Variants in KCNH7 observed in about 807,000 individuals in gnomAD.
The protein encoded by KCNH7 is voltage-gated inwardly rectifying potassium channel KCNH7.
Under a neutral mutation model 120.8 loss-of-function variants are expected in KCNH7, and 49 were observed. The observed-to-expected ratio is 0.41, with a 90% CI of 0.32 to 0.51. The LOEUF is 0.51. Among genes scored for constraint, KCNH7 ranks in the 20% least tolerant of loss-of-function variants. The pLI, the probability that KCNH7 is intolerant of heterozygous loss-of-function variation, is 0.38. For missense variants in KCNH7, 1,097 were observed against 1,446.6 expected (o/e 0.76, Z 3.92); for synonymous variants, 547 against 516.1 (o/e 1.06, Z -0.81).
intron 10 of KCNH7, among the ~76,000 whole-genome samples, chr2:162,397,331 T>G (rs1686943129): frequency 6.6e-6 from 1 of 151,802 alleles, no homozygotes; most frequent in Non-Finnish European, 1.5e-5. Context: ...ATTCATGATC[T>G]TTCTGTCTCG....
intron 9 of KCNH7, among the ~76,000 whole-genome samples, chr2:162,401,965 C>G (rs1687075101): frequency 6.6e-6 from 1 of 151,848 alleles, no homozygotes; most frequent in African/African-American, 2.4e-5. Context: ...GCTCATCCAG[C>G]TCGGTGCTGC....
intron 6 of KCNH7, among the ~76,000 whole-genome samples, chr2:162,470,755 C>T (rs987470211): frequency 6.6e-6 from 1 of 152,190 alleles, no homozygotes; most frequent in Non-Finnish European, 1.5e-5. Flanking sequence ...TACCCAACGG[C>T]TCATTGAGAA....
chr2:162,656,242 C>T (rs1406282402), intron 2 of KCNH7, among the ~76,000 whole-genome samples: 1 of 152,046 alleles, frequency 6.6e-6, no homozygotes, highest in East Asian at 1.9e-4. Flanking sequence ...ACAATAAATC[C>T]ACTGACTTGT....
intron 6 of KCNH7, among the ~76,000 whole-genome samples, chr2:162,503,002 A>C (rs1690735377): frequency 6.6e-6 from 1 of 152,130 alleles, no homozygotes; most frequent in Admixed American, 6.6e-5. Context: ...TTCTCTTTTA[A>C]AATGGAAAGA....
At position 162,444,388 on chromosome 2, in the gene KCNH7, G is replaced by A. The variant is rs187737325; in HGVS notation, c.1554+1630C>T. On this transcript the variant is annotated intron_variant, in intron 7 of 15. Transcript: ENST00000332142. ...AGAAAATAGAACTGAGAGCATCACT[G>A]AACAATTCTAGGTTTCAACAGTCTC... Among the ~76,000 whole-genome samples, 18 of 152,208 alleles carry A rather than the reference G, an allele frequency of 1.2e-4. No individual in the cohort carries two copies. In the East Asian group the frequency reaches 2.1e-3, roughly 18 times the overall value.
chr2:162,380,158 T>C, intron 13 of KCNH7, 137 bp from the exon 14 acceptor site: 1 of 995,204 alleles, frequency 1.0e-6, no homozygotes, highest in East Asian at 2.6e-5. Context: ...TTCAGTGATG[T>C]GTCCAGGGGC....
intron 2 of KCNH7, among the ~76,000 whole-genome samples, chr2:162,792,472 T>C (rs1213715563): frequency 1.3e-5 from 2 of 152,094 alleles, no homozygotes; most frequent in African/African-American, 2.4e-5. Flanking sequence ...TTATTATTGG[T>C]CTGTTCAGGG....
intron 2 of KCNH7, among the ~76,000 whole-genome samples, chr2:162,658,812 A>G (rs1366173207): frequency 6.6e-6 from 1 of 152,226 alleles, no homozygotes; most frequent in Non-Finnish European, 1.5e-5. Flanking sequence ...ACTTTTGTAC[A>G]TTAGCCTTGT....
At chr2:162,794,790 G>A (rs78286066) in intron 2 of KCNH7, among the ~76,000 whole-genome samples, 4,218 of 151,956 alleles carry the variant, frequency 0.028, 100 homozygotes, top group South Asian at 0.087. Context: ...TTCCAAAAAA[G>A]CCTAACTTCA....
intron 2 of KCNH7, among the ~76,000 whole-genome samples, chr2:162,580,480 A>C (rs1318709747): frequency 6.6e-6 from 1 of 152,092 alleles, no homozygotes; most frequent in Non-Finnish European, 1.5e-5. Flanking sequence ...GACACAGCAC[A>C]AAATTACCCT....
intron 6 of KCNH7, among the ~76,000 whole-genome samples, chr2:162,499,579 G>A (rs1690609052): frequency 6.6e-6 from 1 of 152,094 alleles, no homozygotes; most frequent in African/African-American, 2.4e-5. Flanking sequence ...AGACCAATAA[G>A]GCCAAAAGAG....
chr2:162,690,937 G>A (rs1395221958), intron 2 of KCNH7, among the ~76,000 whole-genome samples: 1 of 152,166 alleles, frequency 6.6e-6, no homozygotes, highest in Non-Finnish European at 1.5e-5. Flanking sequence ...TATCAGGTCA[G>A]TTCCAATTAT....
At chr2:162,444,318 AT>A (rs1688514846) in intron 7 of KCNH7, among the ~76,000 whole-genome samples, 1 of 152,174 alleles carries the variant, frequency 6.6e-6, no homozygotes, top group Non-Finnish European at 1.5e-5. Context: ...CTAACAAAAA[AT>A]TTTTGAATAA....
At chr2:162,417,207 T>C (rs1222631200) in intron 9 of KCNH7, among the ~76,000 whole-genome samples, 4 of 152,190 alleles carry the variant, frequency 2.6e-5, no homozygotes, top group Non-Finnish European at 5.9e-5. Context: ...TGTGGATGCT[T>C]TGATTCCATT....
intron 2 of KCNH7, among the ~76,000 whole-genome samples, chr2:162,823,999 A>G (rs1275039167): frequency 6.6e-6 from 1 of 152,198 alleles, no homozygotes; most frequent in African/African-American, 2.4e-5. Context: ...CTCTGCCAAC[A>G]TTTAGTTTTA....
chr2:162,442,796 C>T (rs2105545456), intron 7 of KCNH7, among the ~76,000 whole-genome samples: 1 of 152,214 alleles, frequency 6.6e-6, no homozygotes, highest in East Asian at 1.9e-4. Flanking sequence ...GCAGAGGCTG[C>T]ATTGAGCTGA....
chr2:162,635,940 T>G (rs141792217), intron 2 of KCNH7, among the ~76,000 whole-genome samples: 1 of 152,186 alleles, frequency 6.6e-6, no homozygotes, highest in East Asian at 1.9e-4. Flanking sequence ...TAGTGGGCTC[T>G]CTCTTACGAA....
At chr2:162,495,877 T>C (rs574906025) in intron 6 of KCNH7, among the ~76,000 whole-genome samples, 4 of 151,902 alleles carry the variant, frequency 2.6e-5, no homozygotes, top group Admixed American at 6.6e-5. Context: ...ACCAAGGGAG[T>C]CAACCAAAGC....
Position 162,394,495 on chromosome 2 carries a change from T to C in KCNH7, c.2614-10A>G. On this transcript the variant is annotated splice_polypyrimidine_tract_variant and intron_variant, in intron 11 of 15. Transcript: ENST00000332142. ...ATCGTAGGAGATCAGCCTTTGTTAA[T>C]GGAACATGAAGATAAAATGAAAGAT... The C allele has an allele frequency of 1.3e-6, 2 of 1,487,136 alleles. No homozygotes were observed. The highest frequency in any genetic ancestry group is 9.4e-7 in the Non-Finnish European group (1 of 1,067,456). 92.1% of individuals were successfully genotyped at this position (1,487,136 alleles called of 1,614,324 possible).
Sources: allele counts gnomAD v4.1 joint callset (sites outside exome capture counted in the v4.1 genomes callset), GRCh38; gene constraint gnomAD v4.1.1; transcripts MANE v1.5; gene names NCBI Gene and HGNC (gene_info 2026-07-23, HGNC 2026-07-21).